The following MEOX2 variants were observed in gnomAD, a reference collection of about 807,000 sequenced individuals.
MEOX2 encodes the protein homeobox protein MOX-2.
MEOX2 carries 11 observed loss-of-function variants against 27.0 expected under a neutral mutation model. The ratio of observed to expected loss-of-function variants is 0.41; its 90% confidence interval spans 0.26 to 0.68. The LOEUF is 0.68. Ranked by LOEUF, MEOX2 falls within the 30% of genes least tolerant of loss-of-function variation. The probability of loss-of-function intolerance (pLI) is 0.33; values close to 1 mark genes in which losing one functional copy is unlikely to be tolerated. For missense variants in MEOX2, 436 were observed against 385.4 expected (o/e 1.13, Z -1.10); for synonymous variants, 189 against 155.4 (o/e 1.22, Z -1.61).
intron 1 of MEOX2, among the ~76,000 whole-genome samples, chr7:15,653,696 G>A (rs190276198): frequency 6.6e-5 from 10 of 151,920 alleles, no homozygotes; most frequent in African/African-American, 2.2e-4. Flanking sequence ...TTTACCTATG[G>A]TTGTCCAACT....
chr7:15,672,659 A>G (rs937370859), intron 1 of MEOX2, among the ~76,000 whole-genome samples: 15 of 152,122 alleles, frequency 9.9e-5, no homozygotes, highest in East Asian at 1.9e-4. Context: ...TTGGGAGGCC[A>G]AGGTGGGCGG....
At chr7:15,652,148 G>C (rs190381684) in intron 1 of MEOX2, among the ~76,000 whole-genome samples, 2 of 151,858 alleles carry the variant, frequency 1.3e-5, no homozygotes, top group African/African-American at 4.8e-5. Context: ...ATTCATTTTC[G>C]TTTGACTTTT....
chr7:15,611,440 C>A lies in MEOX2; in HGVS notation c.*947G>T, dbSNP rs182045104. 25 of 152,714 alleles carry A rather than the reference C, an allele frequency of 1.6e-4. No individual in the cohort carries two copies. Among genetic ancestry groups the A allele is most frequent in the African/African-American group, 5.8e-4 (24 of 41,552 alleles). The allele number at this position is 152,714 out of a possible 1,614,324, so 9.5% of individuals were successfully genotyped here. Reference sequence around the variant, plus strand: ...GTTTTCTTGTTAATTAAATCATATTCATACAGCTAATATTTTACAGAAATA... The same window carrying A: ...GTTTTCTTGTTAATTAAATCATATTAATACAGCTAATATTTTACAGAAATA... On this transcript the variant is annotated 3_prime_UTR_variant, in exon 3 of 3. Coordinates refer to ENST00000262041, the MANE Select transcript of MEOX2 (RefSeq NM_005924.5).
chr7:15,637,935 G>A (rs1350129357), intron 1 of MEOX2, among the ~76,000 whole-genome samples: 1 of 151,930 alleles, frequency 6.6e-6, no homozygotes, highest in Non-Finnish European at 1.5e-5. Flanking sequence ...CCTACTATTA[G>A]TAATATTAAA....
At chr7:15,684,602 T>G (rs913454183) in intron 1 of MEOX2, among the ~76,000 whole-genome samples, 3 of 152,222 alleles carry the variant, frequency 2.0e-5, no homozygotes, top group African/African-American at 7.2e-5. Flanking sequence ...GAATATTAAA[T>G]ATGCGGCCAA....
intron 1 of MEOX2, among the ~76,000 whole-genome samples, chr7:15,672,801 A>T (rs1325217942): frequency 6.6e-6 from 1 of 152,012 alleles, no homozygotes; most frequent in Non-Finnish European, 1.5e-5. Flanking sequence ...CTGAGGCAGG[A>T]GAATTGCTTT....
intron 1 of MEOX2, among the ~76,000 whole-genome samples, chr7:15,676,387 T>C (rs901783351): frequency 1.3e-4 from 20 of 152,144 alleles, no homozygotes; most frequent in African/African-American, 4.6e-4. Flanking sequence ...CTGCTAAAAA[T>C]AACAGAGCAA....
intron 1 of MEOX2, among the ~76,000 whole-genome samples, chr7:15,653,194 A>G (rs1196986747): frequency 2.6e-5 from 4 of 151,872 alleles, no homozygotes; most frequent in African/African-American, 4.8e-5. Flanking sequence ...GTGTAGTGTC[A>G]TAACAGTGTG....
intron 1 of MEOX2, among the ~76,000 whole-genome samples, chr7:15,634,882 G>T (rs1781458075): frequency 6.6e-6 from 1 of 151,910 alleles, no homozygotes; most frequent in Non-Finnish European, 1.5e-5. Context: ...TATCCACATG[G>T]AACAGTAAAA....
chr7:15,635,034 T>A (rs1781459567), intron 1 of MEOX2, among the ~76,000 whole-genome samples: 3 of 152,036 alleles, frequency 2.0e-5, no homozygotes, highest in Admixed American at 6.6e-5. Context: ...AAATCAACTA[T>A]TTGATTACAT....
At chr7:15,615,804 CATT>C (rs1257339943) in intron 2 of MEOX2, among the ~76,000 whole-genome samples, 1 of 152,012 alleles carries the variant, frequency 6.6e-6, no homozygotes, top group African/African-American at 2.4e-5. Context: ...TGATCATCAT[CATT>C]GTCACCAAGA....
At chr7:15,647,329 G>A (rs914343375) in intron 1 of MEOX2, among the ~76,000 whole-genome samples, 3 of 152,020 alleles carry the variant, frequency 2.0e-5, no homozygotes, top group Non-Finnish European at 4.4e-5. Context: ...ACCCACCATA[G>A]CAGTATCTCA....
At chr7:15,656,437 CTT>C (rs1188980982) in intron 1 of MEOX2, among the ~76,000 whole-genome samples, 1 of 143,780 alleles carries the variant, frequency 7.0e-6, no homozygotes, top group African/African-American at 2.5e-5. Flanking sequence ...TCATGTTTTT[CTT>C]TTTTTTTTTC....
At chr7:15,679,707 T>A (rs926417963) in intron 1 of MEOX2, 5 of 152,024 alleles carry the variant, frequency 3.3e-5, no homozygotes, top group Non-Finnish European at 7.4e-5. Flanking sequence ...AATGGAAATT[T>A]TAAAAATAAA....
Position 15,612,197 on chromosome 7 carries a change from T to A in MEOX2, c.*190A>T. On this transcript the variant is annotated 3_prime_UTR_variant, in exon 3 of 3. Coordinates refer to ENST00000262041, the MANE Select transcript of MEOX2 (RefSeq NM_005924.5). The stretch of plus-strand genomic sequence containing the variant: ...GCAAGTTCACCTTCTCCATCTTCAC[T>A]GTGGAAGCTCTTTAATAAGTGGCAC... 1.7e-6 allele frequency: 1 copy of A among 601,642 alleles called. No homozygotes were observed. The highest frequency in any genetic ancestry group is 2.9e-6 in the Non-Finnish European group (1 of 340,318). The allele number at this position is 601,642 out of a possible 1,614,324, so 37.3% of individuals were successfully genotyped here. A position where few individuals can be genotyped will look rare whatever the true frequency, so the allele number is the denominator to read the frequency against.
chr7:15,641,615 C>A (rs577913926), intron 1 of MEOX2, among the ~76,000 whole-genome samples: 1 of 152,176 alleles, frequency 6.6e-6, no homozygotes, highest in Admixed American at 6.5e-5. Context: ...TATTTACAAT[C>A]AAGGTTCATA....
chr7:15,666,455 A>C (rs1300749473), intron 1 of MEOX2, among the ~76,000 whole-genome samples: 2 of 152,074 alleles, frequency 1.3e-5, no homozygotes, highest in Non-Finnish European at 2.9e-5. Flanking sequence ...GCATGAGACA[A>C]AGAAATATTC....
chr7:15,650,828 A>C (rs891234169), intron 1 of MEOX2, among the ~76,000 whole-genome samples: 7 of 152,100 alleles, frequency 4.6e-5, no homozygotes, highest in Admixed American at 1.3e-4. Context: ...TTTAAAAAGA[A>C]CAGGCAAGAA....
chr7:15,662,720 T>C (rs1348936085), intron 1 of MEOX2, among the ~76,000 whole-genome samples: 1 of 152,176 alleles, frequency 6.6e-6, no homozygotes, highest in Non-Finnish European at 1.5e-5. Flanking sequence ...TTCCACATCC[T>C]CTTTAAAAGT....
Sources: allele counts gnomAD v4.1 joint callset (sites outside exome capture counted in the v4.1 genomes callset), GRCh38; gene constraint gnomAD v4.1.1; transcripts MANE v1.5; gene names NCBI Gene and HGNC (gene_info 2026-07-23, HGNC 2026-07-21).